RTN4: variants seen among roughly 807,000 people sequenced by gnomAD.
RTN4 encodes the protein reticulon 4.
In RTN4, 32 loss-of-function variants were observed where a neutral mutation model predicts 90.4. That is an observed-to-expected ratio of 0.35 (90% confidence interval 0.27 to 0.48). The LOEUF (loss-of-function observed/expected upper bound fraction) is 0.48. Ranked by LOEUF, RTN4 falls within the 20% of genes least tolerant of loss-of-function variation. The pLI, the probability that RTN4 is intolerant of heterozygous loss-of-function variation, is 0.99. For synonymous variants in RTN4, 629 were observed against 552.5 expected (o/e 1.14, Z -1.94); for missense variants, 1,706 against 1,430.2 (o/e 1.19, Z -3.11).
At chr2:55,052,443 A>G (rs1226149203), upstream of RTN4, among the ~76,000 whole-genome samples, 2 of 152,234 alleles carry the variant, frequency 1.3e-5, no homozygotes, top group Non-Finnish European at 2.9e-5. Flanking sequence ...ATGTTACTTG[A>G]TTGGGTTAAT....
At chr2:55,004,497 G>C (rs1177317256) in intron 3 of RTN4, among the ~76,000 whole-genome samples, 1 of 152,110 alleles carries the variant, frequency 6.6e-6, no homozygotes, top group Non-Finnish European at 1.5e-5. Flanking sequence ...CTTATCTGCA[G>C]GAATACTCTA....
intron 2 of RTN4, among the ~76,000 whole-genome samples, chr2:55,063,212 A>G (rs977257727): frequency 1.3e-5 from 2 of 152,248 alleles, no homozygotes; most frequent in African/African-American, 4.8e-5. Context: ...ATTTTGGTAA[A>G]TTATATTTTA....
chr2:55,124,043 C>T, the RTN4 span, among the ~76,000 whole-genome samples: 1 of 152,152 alleles, frequency 6.6e-6, no homozygotes, highest in African/African-American at 2.4e-5. Flanking sequence ...CAAAATAATG[C>T]AGAAACCAGT....
At chr2:54,993,215 C>T (rs936507159) in intron 3 of RTN4, among the ~76,000 whole-genome samples, 1 of 152,052 alleles carries the variant, frequency 6.6e-6, no homozygotes, top group African/African-American at 2.4e-5. Flanking sequence ...TCTGTGCCAT[C>T]TGAAATGGTC....
chr2:55,097,863 G>A (rs1012628344), intron 1 of RTN4, among the ~76,000 whole-genome samples: 1 of 152,054 alleles, frequency 6.6e-6, no homozygotes, highest in South Asian at 2.1e-4. Flanking sequence ...GTATAGGCAA[G>A]AGCAGGAAAA....
intron 2 of RTN4, among the ~76,000 whole-genome samples, chr2:55,064,407 G>T (rs1188110500): frequency 1.4e-5 from 2 of 143,952 alleles, no homozygotes; most frequent in Non-Finnish European, 3.0e-5. Context: ...GGAGTGCAGT[G>T]GCACTTGATC....
At chr2:55,117,479 T>C (rs1000131921), upstream of RTN4, among the ~76,000 whole-genome samples, 1 of 152,186 alleles carries the variant, frequency 6.6e-6, no homozygotes, top group Non-Finnish European at 1.5e-5. Context: ...GAATAACACC[T>C]GGCTCAAGGA....
rs200000051 is a variant in RTN4, at chr2:54,973,170, G to T, written c.3565C>A (p.Arg1189Ser). 11 of 1,604,040 alleles carry T rather than the reference G, an allele frequency of 6.9e-6. No homozygotes were observed. The highest frequency in any genetic ancestry group is 9.4e-6 in the Non-Finnish European group (11 of 1,172,038). Reference protein sequence around the residue: ...KIQAKIPGLKRKAE With the variant: ...KIQAKIPGLKSKAE ...TTTGGGCGTTTTCATTCAGCTTTGC[G>T]CTTCAATCCAGGGATTTTTGCTTGG... The change falls in exon 9 of 9, where the codon CGC (arginine) becomes AGC (serine). Residue 1189 changes from arginine (R) to serine (S), a missense_variant. Physicochemically the swap from Arg to Ser is moderately radical, Grantham distance 110. Transcript: ENST00000337526.
rs538552728 is a variant in RTN4, at chr2:55,016,718, A to T, written c.3013+8368T>A. Reference sequence around the variant, plus strand: ...TCTCAATGCTTTTCTACATTTTTCAAATTTGTACAATGAGCGTGTATTGTA... The same window carrying T: ...TCTCAATGCTTTTCTACATTTTTCATATTTGTACAATGAGCGTGTATTGTA... On this transcript the variant is annotated intron_variant, in intron 3 of 8. Transcript: ENST00000337526. Among the ~76,000 whole-genome samples the T allele has an allele frequency of 5.9e-5, 9 of 152,294 alleles. No individual in the cohort carries two copies. In the South Asian group the frequency reaches 1.9e-3, roughly 32 times the overall value.
intron 3 of RTN4, among the ~76,000 whole-genome samples, chr2:55,011,595 G>C (rs1680645733): frequency 6.6e-6 from 1 of 152,088 alleles, no homozygotes; most frequent in South Asian, 2.1e-4. Flanking sequence ...ATGAAATAGA[G>C]ATAATATTTT....
chr2:55,055,320 A>C (rs1573485946), upstream of RTN4, among the ~76,000 whole-genome samples: 1 of 152,028 alleles, frequency 6.6e-6, no homozygotes, highest in East Asian at 1.9e-4. Flanking sequence ...GGCAGAAAAG[A>C]GTCCACAAAA....
chr2:54,990,968 G>C (rs1293904387), intron 3 of RTN4, among the ~76,000 whole-genome samples: 1 of 151,862 alleles, frequency 6.6e-6, no homozygotes, highest in Admixed American at 6.6e-5. Flanking sequence ...TTTTTTAGTA[G>C]AGACGGGGTT....
chr2:55,089,791 G>T (rs1173416056), intron 1 of RTN4, among the ~76,000 whole-genome samples: 1 of 152,216 alleles, frequency 6.6e-6, no homozygotes, highest in Non-Finnish European at 1.5e-5. Flanking sequence ...TGGTCCTTGT[G>T]CCTGGGGAGG....
the RTN4 span, among the ~76,000 whole-genome samples, chr2:55,125,076 C>T: frequency 6.6e-6 from 1 of 152,146 alleles, no homozygotes; most frequent in African/African-American, 2.4e-5. Context: ...ATAATGCAGA[C>T]TGCTGCACAA....
intron 1 of RTN4, among the ~76,000 whole-genome samples, chr2:55,091,001 G>C (rs1668925440): frequency 6.6e-6 from 1 of 152,098 alleles, no homozygotes; most frequent in Non-Finnish European, 1.5e-5. Flanking sequence ...CATCTCCATT[G>C]ATTCCACCCA....
At chr2:55,035,291 C>A (rs1176994407) in intron 1 of RTN4, among the ~76,000 whole-genome samples, 1 of 152,078 alleles carries the variant, frequency 6.6e-6, no homozygotes, top group Non-Finnish European at 1.5e-5. Context: ...CAATCTCAAT[C>A]TAAAACAAGT....
chr2:55,093,988 C>T (rs957302470), intron 1 of RTN4, among the ~76,000 whole-genome samples: 2 of 152,124 alleles, frequency 1.3e-5, no homozygotes, highest in Admixed American at 6.6e-5. Flanking sequence ...TTCTTACGAT[C>T]ACTAATATCC....
chr2:55,029,945 A>G (rs531763734), intron 1 of RTN4, among the ~76,000 whole-genome samples: 7 of 152,342 alleles, frequency 4.6e-5, no homozygotes, highest in South Asian at 4.1e-4. Flanking sequence ...CAGCTAAAAT[A>G]ATGAATTATT....
Position 55,025,321 on chromosome 2 carries a change from G to A in RTN4, c.2778C>T (p.Pro926=), listed in dbSNP as rs1411902828. 6.2e-7 allele frequency: 1 copy of A among 1,613,808 alleles called. No homozygotes were observed. Among genetic ancestry groups the A allele is most frequent in the Admixed American group, 1.7e-5 (1 of 59,952 alleles). ...PHDLSLKNIQ[P]KVEEKISFSD... ...AGAAACTGATTTTCTCTTCAACTTT[G>A]GGTTGTATGTTCTTCAAAGAAAGGT... The change falls in exon 3 of 9, where the codon CCC becomes CCT. Residue 926 remains proline (P), a synonymous_variant. Coordinates refer to ENST00000337526, the MANE Select transcript of RTN4 (RefSeq NM_020532.5).
Sources: gnomAD v4.1 joint callset for allele counts (sites outside exome capture counted in the v4.1 genomes callset) on GRCh38, gnomAD v4.1.1 for gene constraint, MANE v1.5 for transcripts, NCBI Gene and HGNC (gene_info 2026-07-23, HGNC 2026-07-21) for gene names.